Variants in MYOCD observed in about 807,000 individuals in gnomAD.
MYOCD encodes myocardin.
MYOCD carries 32 observed loss-of-function variants against 96.1 expected under a neutral mutation model. That is an observed-to-expected ratio of 0.33 (90% CI 0.25 to 0.45). The LOEUF is 0.45. Ranked by LOEUF, MYOCD falls within the 20% of genes least tolerant of loss-of-function variation. The probability of loss-of-function intolerance (pLI) is 1.00; values close to 1 mark genes in which losing one functional copy is unlikely to be tolerated. For missense variants in MYOCD, 1,133 were observed against 1,200.6 expected, an observed-to-expected ratio of 0.94 and a Z score of 0.83; for synonymous variants, 469 against 469.0, an observed-to-expected ratio of 1.00 and a Z score of 0.00.
At chr17:12,679,951 A>C (rs1394797032) in intron 1 of MYOCD, among the ~76,000 whole-genome samples, 2 of 152,182 alleles carry the variant, frequency 1.3e-5, no homozygotes, top group African/African-American at 4.8e-5. Context: ...ATTCCTATTA[A>C]TTTTGCCTTT....
intron 1 of MYOCD, among the ~76,000 whole-genome samples, chr17:12,669,582 T>G (rs924449776): frequency 6.6e-6 from 1 of 151,988 alleles, no homozygotes; most frequent in African/African-American, 2.4e-5. Context: ...GGCCCTGTTA[T>G]TCTTTTTGGC....
chr17:12,712,852 C>T (rs755044927), intron 2 of MYOCD, among the ~76,000 whole-genome samples: 1 of 152,172 alleles, frequency 6.6e-6, no homozygotes, highest in Non-Finnish European at 1.5e-5. Context: ...TCTTTAAATA[C>T]AAAATGTTGC....
At chr17:12,746,746 T>TTTTGG (rs2032676440) in intron 9 of MYOCD, among the ~76,000 whole-genome samples, 1 of 149,702 alleles carries the variant, frequency 6.7e-6, no homozygotes, top group African/African-American at 2.5e-5. Flanking sequence ...TTTTTTTTTT[T>TTTTGG]GAGATGGAGT....
chr17:12,761,699 CT>C (rs1303244307), intron 13 of MYOCD: 10 of 152,564 alleles, frequency 6.6e-5, no homozygotes, highest in African/African-American at 2.4e-4. Flanking sequence ...TCTTGGGTCA[CT>C]GCGACCTCCG....
chr17:12,750,281 G>T (rs990964689), intron 9 of MYOCD, among the ~76,000 whole-genome samples: 6 of 152,160 alleles, frequency 3.9e-5, no homozygotes, highest in Non-Finnish European at 7.4e-5. Context: ...TCTGATTTAG[G>T]TCTGGGGAGG....
intron 2 of MYOCD, among the ~76,000 whole-genome samples, chr17:12,707,788 C>T (rs2150676389): frequency 6.6e-6 from 1 of 152,144 alleles, no homozygotes; most frequent in South Asian, 2.1e-4. Flanking sequence ...AACTCATTAC[C>T]TTACACAAGA....
At position 12,675,198 on chromosome 17, in the gene MYOCD, A is replaced by T. The variant is rs570582298; in HGVS notation, c.55+8955A>T. 5.9e-5 allele frequency among the ~76,000 whole-genome samples: 9 copies of T among 152,358 alleles called. No homozygotes were observed. In the East Asian group the frequency reaches 1.2e-3, roughly 20 times the overall value. ...GTGAAAGATCTAGATACTATTTTTT[A>T]AAAACTTCAAATTAGCAAAATTTTA... On this transcript the variant is annotated intron_variant, in intron 1 of 13. Coordinates refer to ENST00000425538, the MANE Select transcript of MYOCD (RefSeq NM_001146312.3).
At chr17:12,725,119 C>A (rs1051389350) in intron 5 of MYOCD, among the ~76,000 whole-genome samples, 1 of 151,788 alleles carries the variant, frequency 6.6e-6, no homozygotes, top group Non-Finnish European at 1.5e-5. Context: ...CTATTAATTG[C>A]GCACATTTAT....
chr17:12,666,787 T>C (rs1909403395), intron 1 of MYOCD, among the ~76,000 whole-genome samples: 1 of 152,110 alleles, frequency 6.6e-6, no homozygotes, highest in Non-Finnish European at 1.5e-5. Context: ...GCCACAAATA[T>C]TTTTTCCCAA....
At chr17:12,715,650 C>T (rs1361156539) in intron 3 of MYOCD, 76 bp downstream of exon 3, 11 of 1,155,492 alleles carry the variant, frequency 9.5e-6, no homozygotes, top group East Asian at 4.8e-5. Flanking sequence ...TTGGTGGATG[C>T]GTGTAGAATT....
At chr17:12,677,061 C>A (rs78035225) in intron 1 of MYOCD, among the ~76,000 whole-genome samples, 92 of 152,284 alleles carry the variant, frequency 6.0e-4, no homozygotes, top group Non-Finnish European at 1.1e-3. Context: ...TTAATTCACA[C>A]TATGCAGCCA....
intron 5 of MYOCD, among the ~76,000 whole-genome samples, chr17:12,725,498 T>A (rs1310866223): frequency 6.7e-6 from 1 of 148,510 alleles, no homozygotes; most frequent in Non-Finnish European, 1.5e-5. Flanking sequence ...CTATATCATA[T>A]AGATGTTTAT....
intron 7 of MYOCD, among the ~76,000 whole-genome samples, chr17:12,741,643 T>C (rs1597798316): frequency 6.6e-6 from 1 of 150,470 alleles, no homozygotes; most frequent in Non-Finnish European, 1.5e-5. Flanking sequence ...CAGGAGGGGG[T>C]GGTGGCAGTG....
intron 7 of MYOCD, among the ~76,000 whole-genome samples, chr17:12,741,120 T>C (rs2032493695): frequency 6.6e-6 from 1 of 152,200 alleles, no homozygotes; most frequent in South Asian, 2.1e-4. Context: ...AAAATGACTC[T>C]TACGGGACTT....
chr17:12,693,135 G>T (rs185741034), intron 1 of MYOCD, among the ~76,000 whole-genome samples: 1 of 151,972 alleles, frequency 6.6e-6, no homozygotes, highest in Non-Finnish European at 1.5e-5. Flanking sequence ...TGACTCAATA[G>T]GCTTCACACC....
intron 9 of MYOCD, among the ~76,000 whole-genome samples, chr17:12,749,082 T>C (rs1027663338): frequency 5.3e-5 from 8 of 151,068 alleles, no homozygotes; most frequent in Non-Finnish European, 1.0e-4. Flanking sequence ...CATAAATTAC[T>C]GGCATACTTC....
rs879670933 is a variant in MYOCD, at chr17:12,708,398, C to CTT, written c.121+3217_121+3218dup. Among the ~76,000 whole-genome samples the CTT allele has an allele frequency of 1.3e-3, 187 of 146,230 alleles. 1 individual carries two copies. Among genetic ancestry groups the CTT allele is most frequent in the African/African-American group, 4.1e-3 (166 of 40,150 alleles). ...TAATTGTCCTTATCAAATAGAAATA[C>CTT]TTTTTTTTTTTTTGAGACAGAGTCT... On this transcript the variant is annotated intron_variant, in intron 2 of 13. Coordinates refer to ENST00000425538, the MANE Select transcript of MYOCD (RefSeq NM_001146312.3).
intron 5 of MYOCD, among the ~76,000 whole-genome samples, chr17:12,731,879 G>A (rs932769838): frequency 6.6e-6 from 1 of 152,204 alleles, no homozygotes; most frequent in Non-Finnish European, 1.5e-5. Context: ...ACAGCGACGA[G>A]CTAAGTCTAT....
chr17:12,734,487 CAG>C, intron 5 of MYOCD, among the ~76,000 whole-genome samples: 1 of 138,230 alleles, frequency 7.2e-6, no homozygotes, highest in East Asian at 2.4e-4. Flanking sequence ...ACCTGGCCCT[CAG>C]TAATACACAT....
Sources: allele counts gnomAD v4.1 joint callset (sites outside exome capture counted in the v4.1 genomes callset), GRCh38; gene constraint gnomAD v4.1.1; transcripts MANE v1.5; gene names NCBI Gene and HGNC (gene_info 2026-07-23, HGNC 2026-07-21).